MMP26: variants seen among roughly 807,000 people sequenced by gnomAD.
MMP26 encodes the protein matrix metalloproteinase-26.
MMP26 carries 33 observed loss-of-function variants against 31.0 expected under a neutral mutation model. That is an observed-to-expected ratio of 1.06 (90% confidence interval 0.81 to 1.42). The LOEUF is 1.42. Ranked by LOEUF, MMP26 falls within the 40% of genes most tolerant of loss-of-function variation. The probability of loss-of-function intolerance (pLI) is 0.00; values close to 1 mark genes in which losing one functional copy is unlikely to be tolerated. For synonymous variants in MMP26, 122 were observed against 114.9 expected, an observed-to-expected ratio of 1.06 and a Z score of -0.40; for missense variants, 347 against 316.1, an observed-to-expected ratio of 1.10 and a Z score of -0.74.
intron 1 of MMP26, chr11:4,709,874 A>G (rs1462700023): frequency 2.2e-6 from 1 of 456,958 alleles, no homozygotes; most frequent in Admixed American, 2.3e-5. Flanking sequence ...GCATTGGCCA[A>G]ATGTTCTTTA....
intron 2 of MMP26, among the ~76,000 whole-genome samples, chr11:4,985,460 C>T (rs1353806164): frequency 6.6e-6 from 1 of 152,124 alleles, no homozygotes; most frequent in Non-Finnish European, 1.5e-5. Flanking sequence ...CCAAGTATAT[C>T]ACATATATCT....
At chr11:4,955,768 A>G in intron 2 of MMP26, 1 of 1,506,002 alleles carries the variant, frequency 6.6e-7, no homozygotes, top group Non-Finnish European at 9.0e-7. Flanking sequence ...ACCTCAGGTG[A>G]TCCGCTTGCT....
At chr11:4,915,680 G>A (rs771236232) in intron 2 of MMP26, 1 of 1,584,256 alleles carries the variant, frequency 6.3e-7, no homozygotes, top group South Asian at 1.1e-5. Flanking sequence ...AGGAGACAAG[G>A]GGGAAGGTGG....
intron 2 of MMP26, among the ~76,000 whole-genome samples, chr11:4,816,697 CT>C (rs747753151): frequency 0.027 from 2,153 of 79,420 alleles, 6 homozygotes; most frequent in Non-Finnish European, 0.033. Flanking sequence ...TGGGTGCCTT[CT>C]TTTTTTTTTT....
intron 2 of MMP26, among the ~76,000 whole-genome samples, chr11:4,927,879 T>C (rs944096862): frequency 1.3e-5 from 2 of 152,006 alleles, no homozygotes; most frequent in Non-Finnish European, 1.5e-5. Flanking sequence ...GATTAAAAAA[T>C]CAGGTGTTAA....
chr11:4,990,099 C>A (rs1428985991), intron 4 of MMP26, among the ~76,000 whole-genome samples: 5 of 152,120 alleles, frequency 3.3e-5, no homozygotes, highest in African/African-American at 1.2e-4. Flanking sequence ...TTTGTTAAAT[C>A]TTTTCTTTTT....
At chr11:4,964,325 A>G (rs11034928) in intron 2 of MMP26, among the ~76,000 whole-genome samples, 1 of 152,156 alleles carries the variant, frequency 6.6e-6, no homozygotes, top group African/African-American at 2.4e-5. Context: ...AATTTTCTGC[A>G]TAATGGCTAG....
At chr11:4,902,578 T>G (rs752042673) in intron 2 of MMP26, among the ~76,000 whole-genome samples, 6 of 152,184 alleles carry the variant, frequency 3.9e-5, no homozygotes, top group Non-Finnish European at 7.4e-5. Context: ...TTTAGTTGTG[T>G]TGTTTGTTTT....
chr11:4,848,586 A>C (rs751139569), intron 2 of MMP26: 1 of 1,607,196 alleles, frequency 6.2e-7, no homozygotes, highest in Non-Finnish European at 8.5e-7. Flanking sequence ...AAGAACCACA[A>C]ATAGGCTGTA....
chr11:4,829,517 T>C (rs891184272), intron 2 of MMP26, among the ~76,000 whole-genome samples: 12 of 152,210 alleles, frequency 7.9e-5, no homozygotes, highest in South Asian at 2.1e-4. Flanking sequence ...AATTTATTTA[T>C]TTCTAATTTT....
At chr11:4,848,905 C>A in intron 2 of MMP26, 1 of 1,614,060 alleles carries the variant, frequency 6.2e-7, no homozygotes, top group Non-Finnish European at 8.5e-7. Flanking sequence ...CAGGCTGAGG[C>A]AGGGACAGTG....
At chr11:4,936,709 G>A (rs951220171) in intron 2 of MMP26, among the ~76,000 whole-genome samples, 16 of 152,088 alleles carry the variant, frequency 1.1e-4, no homozygotes, top group African/African-American at 3.6e-4. Flanking sequence ...AGCTAAGAAT[G>A]TACCCATGAG....
chr11:4,983,069 C>T (rs1419615231), intron 2 of MMP26, among the ~76,000 whole-genome samples: 4 of 152,206 alleles, frequency 2.6e-5, no homozygotes, highest in Non-Finnish European at 5.9e-5. Flanking sequence ...TTAAAGCAGG[C>T]TTTGTGTCTT....
chr11:4,863,984 C>A (rs1362970242), intron 2 of MMP26, among the ~76,000 whole-genome samples: 1 of 152,134 alleles, frequency 6.6e-6, no homozygotes, highest in Non-Finnish European at 1.5e-5. Context: ...TAATTTGAAT[C>A]ATGTTTAATC....
rs1848150602 is a variant in MMP26, at chr11:4,729,907, T to A, written c.-217+24862T>A. 2.0e-5 allele frequency among the ~76,000 whole-genome samples: 3 copies of A among 151,922 alleles called. No individual in the cohort carries two copies. In the South Asian group the frequency reaches 6.3e-4, roughly 32 times the overall value. On this transcript the variant is annotated intron_variant, in intron 1 of 7. Transcript: ENST00000380390. ...TGATGCATCGTAAAGTTAAGTAATATCTGCACTCCTCATACAAGGTAGTGA... is the reference window on the plus strand; with the variant it reads ...TGATGCATCGTAAAGTTAAGTAATAACTGCACTCCTCATACAAGGTAGTGA...
chr11:4,725,865 T>A (rs1171981707), intron 1 of MMP26, among the ~76,000 whole-genome samples: 1 of 152,196 alleles, frequency 6.6e-6, no homozygotes, highest in Non-Finnish European at 1.5e-5. Flanking sequence ...AATCTGCTTG[T>A]GCAAGACTAC....
intron 2 of MMP26, among the ~76,000 whole-genome samples, chr11:4,911,039 C>A (rs1277829464): frequency 6.6e-6 from 1 of 152,096 alleles, no homozygotes; most frequent in Non-Finnish European, 1.5e-5. Context: ...TGCTAAAGGC[C>A]AGAGGTACTC....
rs1418760017 is a variant in MMP26 at position 4,914,479 on chromosome 11, TG to T, written c.-144-73586del. 1.5e-5 allele frequency: 7 copies of T among 460,890 alleles called. No individual in the cohort carries two copies. In the Admixed American group the frequency reaches 2.5e-4, roughly 17 times the overall value. The allele number at this position is 460,890 out of a possible 1,614,324, so 28.6% of individuals were successfully genotyped here. A position where few individuals can be genotyped will look rare whatever the true frequency, so the allele number is the denominator to read the frequency against. ...AGTAGCAAGTTCCTGGAAGAGCATG[TG>T]GGTTTAGAATTATTGCTGTGGCTAT... On this transcript the variant is annotated intron_variant, in intron 2 of 7. Transcript: ENST00000380390.
chr11:4,708,108 T>A (rs1564891180), intron 1 of MMP26, among the ~76,000 whole-genome samples: 1 of 152,182 alleles, frequency 6.6e-6, no homozygotes, highest in Non-Finnish European at 1.5e-5. Context: ...CAGGAGTCAT[T>A]TTCCCTAGGA....
Sources: allele counts gnomAD v4.1 joint callset (sites outside exome capture counted in the v4.1 genomes callset), GRCh38; gene constraint gnomAD v4.1.1; transcripts MANE v1.5; gene names NCBI Gene and HGNC (gene_info 2026-07-23, HGNC 2026-07-21).